EFNA1: variants seen among roughly 807,000 people sequenced by gnomAD.
EFNA1 encodes the protein ephrin-A1.
Under a neutral mutation model 23.2 loss-of-function variants are expected in EFNA1, and 8 were observed. The observed-to-expected ratio is 0.34, with a 90% CI of 0.20 to 0.62. The LOEUF (loss-of-function observed/expected upper bound fraction) is 0.62, where lower values mean the gene tolerates loss of function less well. EFNA1 is among the 20% of genes least tolerant of loss of function. The pLI is 0.75. For synonymous variants in EFNA1, 89 were observed against 98.6 expected (o/e 0.90, Z 0.58); for missense variants, 217 against 260.0 (o/e 0.83, Z 1.14).
chr1:155,132,844 T>C (rs1287351471), intron 2 of EFNA1, among the ~76,000 whole-genome samples: 1 of 151,874 alleles, frequency 6.6e-6, no homozygotes, highest in African/African-American at 2.4e-5. Context: ...AAGAAAGTTA[T>C]GAGATCAGCT....
intron 2 of EFNA1, among the ~76,000 whole-genome samples, chr1:155,132,174 C>T (rs1664251528): frequency 6.6e-6 from 1 of 152,170 alleles, no homozygotes; most frequent in African/African-American, 2.4e-5. Flanking sequence ...CATGGGGGAA[C>T]TAAAAGGTGA....
At position 155,134,141 on chromosome 1, in the gene EFNA1, G is replaced by A. The variant is rs1664316513; in HGVS notation, c.*74G>A. On this transcript the variant is annotated 3_prime_UTR_variant, in exon 5 of 5. Coordinates refer to ENST00000368407, the MANE Select transcript of EFNA1 (RefSeq NM_004428.3). Reference sequence around the variant, plus strand: ...ACAGGCACTCCAAACCTGTCTTGGGGCCACTTTCAGAGCCCCCAGCCCTGG... The same window carrying A: ...ACAGGCACTCCAAACCTGTCTTGGGACCACTTTCAGAGCCCCCAGCCCTGG... The A allele has an allele frequency of 2.7e-6, 4 of 1,457,562 alleles. No individual in the cohort carries two copies. Among genetic ancestry groups the A allele is most frequent in the Admixed American group, 1.9e-5 (1 of 52,214 alleles). 90.3% of individuals were successfully genotyped at this position (1,457,562 alleles called of 1,614,324 possible).
intron 1 of EFNA1, chr1:155,131,033 T>C (rs1185174566): frequency 6.1e-6 from 6 of 985,202 alleles, no homozygotes; most frequent in Non-Finnish European, 7.2e-6. Flanking sequence ...CAGAAATAGG[T>C]AGAAGCCCAT....
intron 1 of EFNA1, 84 bp from the exon 2 acceptor site, chr1:155,131,255 A>G: frequency 1.3e-6 from 2 of 1,494,088 alleles, no homozygotes. Flanking sequence ...GAAATGTGAG[A>G]GGTCATGTAA....
intron 1 of EFNA1, chr1:155,129,662 T>C (rs1359213040): frequency 6.6e-6 from 1 of 152,214 alleles, no homozygotes; most frequent in Admixed American, 6.6e-5. Flanking sequence ...ACGGGGTAGG[T>C]GAGGCTGGCA....
intron 1 of EFNA1, among the ~76,000 whole-genome samples, chr1:155,129,408 C>T (rs535011511): frequency 2.0e-5 from 3 of 152,086 alleles, no homozygotes; most frequent in Non-Finnish European, 2.9e-5. Flanking sequence ...CCCGCCTTCC[C>T]TGACGCCGCT....
In EFNA1 at chr1:155,129,324, G is replaced by C. The variant is rs148595782; in HGVS notation, c.92+1255G>C. 7.0e-3 allele frequency among the ~76,000 whole-genome samples: 1,058 copies of C among 152,188 alleles called. 11 individuals are homozygous for C. Among genetic ancestry groups the C allele is most frequent in the African/African-American group, 0.024 (993 of 41,514 alleles). On this transcript the variant is annotated intron_variant, in intron 1 of 4. Coordinates refer to ENST00000368407, the MANE Select transcript of EFNA1 (RefSeq NM_004428.3). ...AGGAAGCCATGAGTAGGGAGGGGGG[G>C]ACCCTGGCCTTTTCCGTTCCCAAGC...
At chr1:155,128,652 G>T (rs529114059) in intron 1 of EFNA1, among the ~76,000 whole-genome samples, 1 of 152,346 alleles carries the variant, frequency 6.6e-6, no homozygotes, top group Admixed American at 6.5e-5. Flanking sequence ...GCATGGGTAG[G>T]CTGAGGGAAT....
At chr1:155,128,344 C>G (rs76547070) in intron 1 of EFNA1, among the ~76,000 whole-genome samples, 1 of 152,052 alleles carries the variant, frequency 6.6e-6, no homozygotes, top group Admixed American at 6.5e-5. Flanking sequence ...CTGGGCAGTT[C>G]CTGCCTTCAG....
At chr1:155,133,628 G>A (rs1664291426) in intron 3 of EFNA1, 60 bp downstream of exon 3, 1 of 1,610,410 alleles carries the variant, frequency 6.2e-7, no homozygotes, top group Non-Finnish European at 8.5e-7. Flanking sequence ...GCGGTCTAGT[G>A]ATCTAGGATG....
intron 1 of EFNA1, among the ~76,000 whole-genome samples, chr1:155,129,254 T>C (rs902625872): frequency 6.6e-6 from 1 of 152,094 alleles, no homozygotes; most frequent in African/African-American, 2.4e-5. Flanking sequence ...GCAAAGTCCC[T>C]GTTTATGCCC....
At chr1:155,130,895 C>T in intron 1 of EFNA1, 1 of 985,238 alleles carries the variant, frequency 1.0e-6, no homozygotes, top group Non-Finnish European at 1.2e-6. Flanking sequence ...GAAAGGGTTT[C>T]CTGGATTCTG....
chr1:155,128,147 C>A, intron 1 of EFNA1, 78 bp downstream of exon 1: 1 of 1,333,754 alleles, frequency 7.5e-7, no homozygotes, highest in East Asian at 2.4e-5. Context: ...CCGGCCAAAC[C>A]CTGAGCTGAG....
Position 155,131,533 on chromosome 1 carries a change from G to A in EFNA1, c.287G>A (p.Ser96Asn). The change falls in exon 2 of 5, where the codon AGT becomes AAT. Residue 96 changes from serine to asparagine, a missense_variant. By Grantham distance (46) the Ser-to-Asn change is conservative. Transcript: ENST00000368407. Reference sequence around the variant, plus strand: ...GTCCGCTGGCAGTGCAACCGGCCCAGTGCCAAGCATGGCCCGGAGAAGCTG... The same window carrying A: ...GTCCGCTGGCAGTGCAACCGGCCCAATGCCAAGCATGGCCCGGAGAAGCTG... ...DQVRWQCNRP[S>N]AKHGPEKLSE... 1 of 1,613,812 alleles carries A rather than the reference G, an allele frequency of 6.2e-7. No individual in the cohort carries two copies. Among genetic ancestry groups the A allele is most frequent in the Non-Finnish European group, 8.5e-7 (1 of 1,179,900 alleles).
intron 1 of EFNA1, chr1:155,130,555 G>T: frequency 1.0e-6 from 1 of 985,116 alleles, no homozygotes; most frequent in African/African-American, 1.7e-5. Flanking sequence ...CAGAGCTCCA[G>T]CATTTCATCT....
At chr1:155,129,282 G>C (rs1180260079) in intron 1 of EFNA1, among the ~76,000 whole-genome samples, 1 of 152,122 alleles carries the variant, frequency 6.6e-6, no homozygotes, top group African/African-American at 2.4e-5. Context: ...GTGTTGACTG[G>C]AGGAGGAGGA....
rs1033908444 is a variant in EFNA1 at position 155,128,055 on chromosome 1, C to T, written c.78C>T (p.Asn26=). The T allele has an allele frequency of 1.2e-6, 2 of 1,613,798 alleles. No individual in the cohort carries two copies. Among genetic ancestry groups the T allele is most frequent in the Non-Finnish European group, 1.7e-6 (2 of 1,179,968 alleles). Residue 26 remains asparagine (N), a synonymous_variant, in exon 1 of 5, where the codon AAC becomes AAT. Transcript: ENST00000368407. ...AAADRHTVFW[N]SSNPKFRNED... Reference sequence around the variant, plus strand: ...CTGATCGCCACACCGTCTTCTGGAACAGTTCAAATCCCAAGTAAGCCTCGA... The same window carrying T: ...CTGATCGCCACACCGTCTTCTGGAATAGTTCAAATCCCAAGTAAGCCTCGA...
At position 155,134,206 on chromosome 1, in the gene EFNA1, C is replaced by G. The variant is rs1664320060; in HGVS notation, c.*139C>G. 1 of 835,586 alleles carries G rather than the reference C, an allele frequency of 1.2e-6. No homozygotes were observed. Among genetic ancestry groups the G allele is most frequent in the African/African-American group, 1.7e-5 (1 of 59,214 alleles). 51.8% of individuals were successfully genotyped at this position (835,586 alleles called of 1,614,324 possible). On this transcript the variant is annotated 3_prime_UTR_variant, in exon 5 of 5. Coordinates refer to ENST00000368407, the MANE Select transcript of EFNA1 (RefSeq NM_004428.3). The stretch of plus-strand genomic sequence containing the variant: ...ACAGGCATAAGCTATCACCTAGCAG[C>G]CTCAAAACGGGTCAGTATTAAGGTT...
chr1:155,133,668 A>G (rs1264533463), intron 3 of EFNA1, 62 bp from the exon 4 acceptor site: 2 of 1,609,130 alleles, frequency 1.2e-6, no homozygotes, highest in Non-Finnish European at 1.7e-6. Flanking sequence ...CAGCCCACTC[A>G]TACTTACAGC....
Sources: allele counts gnomAD v4.1 joint callset (sites outside exome capture counted in the v4.1 genomes callset), GRCh38; gene constraint gnomAD v4.1.1; transcripts MANE v1.5; gene names NCBI Gene and HGNC (gene_info 2026-07-23, HGNC 2026-07-21).